Variants in TACR1 observed in about 807,000 individuals in gnomAD.
TACR1 encodes tachykinin receptor 1.
TACR1 carries 25 observed loss-of-function variants against 35.8 expected under a neutral mutation model. The ratio of observed to expected loss-of-function variants is 0.70; its 90% CI spans 0.51 to 0.98. TACR1 has a LOEUF of 0.98. Ranked by LOEUF, TACR1 falls within the 50% of genes least tolerant of loss-of-function variation. The probability of loss-of-function intolerance (pLI) is 0.00; values close to 1 mark genes in which losing one functional copy is unlikely to be tolerated. For missense variants in TACR1, 478 were observed against 522.9 expected (o/e 0.91, Z 0.84); for synonymous variants, 195 against 206.7 (o/e 0.94, Z 0.48).
intron 2 of TACR1, 113 bp from the exon 3 acceptor site, chr2:75,053,868 C>A: frequency 7.1e-7 from 1 of 1,412,620 alleles, no homozygotes; most frequent in South Asian, 1.3e-5. Context: ...TCAGCATATG[C>A]CATTAATAAG....
intron 1 of TACR1, among the ~76,000 whole-genome samples, chr2:75,185,427 T>C (rs1359988905): frequency 6.6e-6 from 1 of 152,022 alleles, no homozygotes; most frequent in Admixed American, 6.6e-5. Flanking sequence ...AATGAACATT[T>C]TAACCTGAAA....
chr2:75,087,635 C>G (rs1187720582), intron 2 of TACR1, among the ~76,000 whole-genome samples: 1 of 152,180 alleles, frequency 6.6e-6, no homozygotes, highest in African/African-American at 2.4e-5. Context: ...TAACATTTCC[C>G]CAGCTGTATC....
intron 2 of TACR1, among the ~76,000 whole-genome samples, chr2:75,098,606 T>C (rs1673469825): frequency 6.6e-6 from 1 of 152,182 alleles, no homozygotes; most frequent in African/African-American, 2.4e-5. Flanking sequence ...GACTCTCATC[T>C]GTTAAGAGAC....
chr2:75,082,345 T>C (rs1193468592), intron 2 of TACR1, among the ~76,000 whole-genome samples: 1 of 152,222 alleles, frequency 6.6e-6, no homozygotes, highest in Non-Finnish European at 1.5e-5. Context: ...GTTGGTTGGT[T>C]CCAAGTCTTT....
At chr2:75,105,907 C>T (rs984558938) in intron 2 of TACR1, among the ~76,000 whole-genome samples, 1 of 151,818 alleles carries the variant, frequency 6.6e-6, no homozygotes, top group Admixed American at 6.6e-5. Flanking sequence ...ACTGTCACAA[C>T]CAAGAGGAGC....
chr2:75,090,523 C>T (rs988965991), intron 2 of TACR1, among the ~76,000 whole-genome samples: 1 of 152,162 alleles, frequency 6.6e-6, no homozygotes, highest in African/African-American at 2.4e-5. Context: ...TCTATTGATC[C>T]CAAGTCTTTA....
intron 2 of TACR1, among the ~76,000 whole-genome samples, chr2:75,110,291 AT>A (rs1472311343): frequency 6.6e-6 from 1 of 151,548 alleles, no homozygotes; most frequent in Admixed American, 6.6e-5. Flanking sequence ...TTTCTTGGTG[AT>A]TTTTTTTCAA....
chr2:75,113,366 A>T (rs1276185229), intron 2 of TACR1, among the ~76,000 whole-genome samples: 1 of 151,784 alleles, frequency 6.6e-6, no homozygotes, highest in Admixed American at 6.6e-5. Flanking sequence ...TTCACCTCCT[A>T]ATTAGGGGCT....
At chr2:75,115,991 G>T (rs1433071494) in intron 2 of TACR1, among the ~76,000 whole-genome samples, 6 of 150,928 alleles carry the variant, frequency 4.0e-5, no homozygotes, top group Non-Finnish European at 7.4e-5. Context: ...AAAAAACAAG[G>T]TGCATAACAG....
chr2:75,095,100 G>A (rs1057084576), intron 2 of TACR1, among the ~76,000 whole-genome samples: 2 of 151,868 alleles, frequency 1.3e-5, no homozygotes, highest in South Asian at 4.2e-4. Context: ...TGTGTCCCTT[G>A]GTTCTTCCAT....
At chr2:75,075,949 G>A (rs1410403882) in intron 2 of TACR1, among the ~76,000 whole-genome samples, 1 of 152,188 alleles carries the variant, frequency 6.6e-6, no homozygotes, top group African/African-American at 2.4e-5. Context: ...TACATAACAT[G>A]TCTTCAGTGT....
chr2:75,168,687 A>T (rs1400855664), intron 1 of TACR1, among the ~76,000 whole-genome samples: 1 of 152,234 alleles, frequency 6.6e-6, no homozygotes, highest in South Asian at 2.1e-4. Flanking sequence ...CATTAAATTT[A>T]TGGTAATTTG....
intron 2 of TACR1, among the ~76,000 whole-genome samples, chr2:75,089,172 C>T (rs780920021): frequency 6.6e-6 from 1 of 152,246 alleles, no homozygotes; most frequent in Non-Finnish European, 1.5e-5. Flanking sequence ...TCTTCATCTC[C>T]TGGAGATCAT....
chr2:75,072,511 T>C (rs1672902746), intron 2 of TACR1, among the ~76,000 whole-genome samples: 1 of 152,196 alleles, frequency 6.6e-6, no homozygotes, highest in African/African-American at 2.4e-5. Context: ...AAAGCCCAAC[T>C]CTAACCCTAA....
intron 2 of TACR1, among the ~76,000 whole-genome samples, chr2:75,075,009 C>G (rs1672953179): frequency 6.6e-6 from 1 of 152,176 alleles, no homozygotes; most frequent in Admixed American, 6.5e-5. Flanking sequence ...GTCATTTTCC[C>G]TCACTGGCAT....
At chr2:75,057,383 G>A (rs1477389969) in intron 2 of TACR1, among the ~76,000 whole-genome samples, 1 of 151,868 alleles carries the variant, frequency 6.6e-6, no homozygotes. Context: ...TCCCTTCACT[G>A]ACTCTCTTTT....
chr2:75,171,150 GGCTGGGCCAGGGGCCTT>G (rs1357804332), intron 1 of TACR1, among the ~76,000 whole-genome samples: 1 of 152,164 alleles, frequency 6.6e-6, no homozygotes, highest in Non-Finnish European at 1.5e-5. Flanking sequence ...TGGTTTCATG[GGCTGGGCCAGGGGCCTT>G]GCTGCTTTGT....
At chr2:75,084,977 ATG>A (rs1452101841) in intron 2 of TACR1, among the ~76,000 whole-genome samples, 1 of 151,992 alleles carries the variant, frequency 6.6e-6, no homozygotes, top group Non-Finnish European at 1.5e-5. Context: ...TAGCTTTTGA[ATG>A]TGTTTGCTCT....
Position 75,162,903 on chromosome 2 carries a change from G to A in TACR1, c.389+35643C>T, listed in dbSNP as rs116641066. On this transcript the variant is annotated intron_variant, in intron 1 of 4. Transcript: ENST00000305249. ...ATGAAGAACTATGCATTTATCATGCGTGGAAGAGACTACTGGGCCTACCTC... is the reference window on the plus strand; with the variant it reads ...ATGAAGAACTATGCATTTATCATGCATGGAAGAGACTACTGGGCCTACCTC... Among the ~76,000 whole-genome samples, 936 of 152,244 alleles carry A rather than the reference G, an allele frequency of 6.1e-3. 13 individuals carry two copies. The highest frequency in any genetic ancestry group is 0.022 in the African/African-American group (894 of 41,550).
Sources: allele counts gnomAD v4.1 joint callset (sites outside exome capture counted in the v4.1 genomes callset), GRCh38; gene constraint gnomAD v4.1.1; transcripts MANE v1.5; gene names NCBI Gene and HGNC (gene_info 2026-07-23, HGNC 2026-07-21).